DCDC2B: variants seen among roughly 807,000 people sequenced by gnomAD.
DCDC2B encodes doublecortin domain containing 2B, also known as doublecortin domain-containing protein 2B.
Under a neutral mutation model 38.9 loss-of-function variants are expected in DCDC2B, and 41 were observed. The observed-to-expected ratio is 1.05, with a 90% confidence interval of 0.82 to 1.37. The LOEUF is 1.37. Among genes scored for constraint, DCDC2B ranks in the 40% most tolerant of loss-of-function variants. DCDC2B has a pLI of 0.00. For synonymous variants in DCDC2B, 181 were observed against 171.9 expected, an observed-to-expected ratio of 1.05 and a Z score of -0.41; for missense variants, 453 against 427.2, an observed-to-expected ratio of 1.06 and a Z score of -0.53.
intron 7 of DCDC2B, 140 bp from the exon 8 acceptor site, chr1:32,215,300 A>G: frequency 1.4e-6 from 1 of 721,756 alleles, no homozygotes; most frequent in Non-Finnish European, 2.3e-6. Flanking sequence ...CCCACCTCTC[A>G]CTTCCTTGCC....
Position 32,214,705 on chromosome 1 carries a change from A to C in DCDC2B, c.715-92A>C. 15 of 1,543,488 alleles carry C rather than the reference A, an allele frequency of 9.7e-6. No individual in the cohort carries two copies. The South Asian group carries it at 1.8e-4, about 19-fold the overall frequency. On this transcript the variant is annotated intron_variant, in intron 6 of 8. Coordinates refer to ENST00000409358, the MANE Select transcript of DCDC2B (RefSeq NM_001099434.2). ...GGTGTCTCCTCTGCCATGTTCCTGC[A>C]GGCGTCAGGGGCTCTCTGAAGCCTG...
At chr1:32,213,888 G>A (rs1322867343) in intron 6 of DCDC2B, among the ~76,000 whole-genome samples, 3 of 151,778 alleles carry the variant, frequency 2.0e-5, no homozygotes, top group Non-Finnish European at 4.4e-5. Context: ...ACTCCCTCAG[G>A]TGATCTGCCC....
In DCDC2B at chr1:32,214,884, C is replaced by G; in HGVS notation, c.802C>G (p.Gln268Glu). 2 of 1,613,968 alleles carry G rather than the reference C, an allele frequency of 1.2e-6. No individual in the cohort carries two copies. Among genetic ancestry groups the G allele is most frequent in the Non-Finnish European group, 1.7e-6 (2 of 1,179,896 alleles). ...ATCTGCTTTCTATGCCAGACCCCAG[C>G]AGACCATTCAGCCAAGAAGCAAGCT... Reference protein sequence around the residue: ...KPSAFYARPQQTIQPRSKLPT... With the variant: ...KPSAFYARPQETIQPRSKLPT... Residue 268 changes from glutamine to glutamate, a missense_variant, in exon 7 of 9, where the codon CAG becomes GAG. By Grantham distance (29) the Gln-to-Glu change is conservative. Coordinates refer to ENST00000409358, the MANE Select transcript of DCDC2B (RefSeq NM_001099434.2).
chr1:32,209,966 G>A (rs1004403098), intron 1 of DCDC2B, among the ~76,000 whole-genome samples: 3 of 152,200 alleles, frequency 2.0e-5, no homozygotes, highest in Admixed American at 6.5e-5. Context: ...GCCAAGGCGG[G>A]TGGATCACCT....
At chr1:32,212,683 CA>C in intron 5 of DCDC2B, 47 bp downstream of exon 5, 1 of 1,612,874 alleles carries the variant, frequency 6.2e-7, no homozygotes, top group South Asian at 1.1e-5. Context: ...CAGAGGAAGC[CA>C]CCCTCTGGGT....
In DCDC2B at chr1:32,212,094, A is replaced by G. The variant is rs745655820; in HGVS notation, c.420A>G (p.Val140=). 1.9e-6 allele frequency: 3 copies of G among 1,613,820 alleles called. No homozygotes were observed. Among genetic ancestry groups the G allele is most frequent in the Admixed American group, 3.3e-5 (2 of 60,014 alleles). The change falls in exon 4 of 9, where the codon GTA becomes GTG. Residue 140 remains valine, a synonymous_variant. Transcript: ENST00000409358. ...YIHVFRNGDL[V]SPPFSLKLSQ... ...GTGTGTTCAGGAATGGGGACCTGGT[A>G]AGTCCCCCATTTAGTCTGAAGCTGT...
At position 32,212,532 on chromosome 1, in the gene DCDC2B, G is replaced by A; in HGVS notation, c.570G>A (p.Glu190=). ...GGCTCCCACTGTCAGCAGGGAAGGAGCTGGTAACTGGCCATTACTATGTGG... is the reference window on the plus strand; with the variant it reads ...GGCTCCCACTGTCAGCAGGGAAGGAACTGGTAACTGGCCATTACTATGTGG... ...LEGLPLSAGK[E]LVTGHYYVAV... Residue 190 remains glutamate, a synonymous_variant, in exon 5 of 9, where the codon GAG becomes GAA. Coordinates refer to ENST00000409358, the MANE Select transcript of DCDC2B (RefSeq NM_001099434.2). 1 of 1,614,066 alleles carries A rather than the reference G, an allele frequency of 6.2e-7. No homozygotes were observed. Among genetic ancestry groups the A allele is most frequent in the Non-Finnish European group, 8.5e-7 (1 of 1,179,900 alleles).
intron 2 of DCDC2B, among the ~76,000 whole-genome samples, 155 bp downstream of exon 2, chr1:32,211,478 T>C (rs1643581219): frequency 6.6e-6 from 1 of 152,180 alleles, no homozygotes; most frequent in Non-Finnish European, 1.5e-5. Flanking sequence ...GGGCGTGGGA[T>C]TTCAAGACAC....
rs1569787148 is a variant in DCDC2B, at chr1:32,216,129, C to T, written c.*232C>T. On this transcript the variant is annotated 3_prime_UTR_variant, in exon 9 of 9. Transcript: ENST00000409358. ...CTATTTCCTTATGGGATTCTCTGGC[C>T]AGAGAAAGGAGTAGCTGACTAAGCC... is the stretch of plus-strand genomic sequence containing the variant. 11 of 678,466 alleles carry T rather than the reference C, an allele frequency of 1.6e-5. No homozygotes were observed. The East Asian group carries it at 3.0e-4, about 19-fold the overall frequency. The allele number at this position is 678,466 out of a possible 1,614,324, so 42.0% of individuals were successfully genotyped here.
chr1:32,214,597 G>A, intron 6 of DCDC2B, 200 bp from the exon 7 acceptor site: 2 of 651,474 alleles, frequency 3.1e-6, no homozygotes, highest in Non-Finnish European at 5.1e-6. Context: ...AGGAGTGCCA[G>A]GCATCTACTG....
chr1:32,212,026 G>A (rs1335574411), intron 3 of DCDC2B, 44 bp from the exon 4 acceptor site: 1 of 1,594,426 alleles, frequency 6.3e-7, no homozygotes, highest in African/African-American at 1.3e-5. Flanking sequence ...CTCACATGTA[G>A]GGACTCCTGG....
chr1:32,216,129 C>A lies in DCDC2B; in HGVS notation c.*232C>A. 2 of 678,466 alleles carry A rather than the reference C, an allele frequency of 2.9e-6. No individual in the cohort carries two copies. The highest frequency in any genetic ancestry group is 2.4e-6 in the Non-Finnish European group (1 of 409,226). The allele number at this position is 678,466 out of a possible 1,614,324, so 42.0% of individuals were successfully genotyped here. On this transcript the variant is annotated 3_prime_UTR_variant, in exon 9 of 9. Coordinates refer to ENST00000409358, the MANE Select transcript of DCDC2B (RefSeq NM_001099434.2). Reference sequence around the variant, plus strand: ...CTATTTCCTTATGGGATTCTCTGGCCAGAGAAAGGAGTAGCTGACTAAGCC... The same window carrying A: ...CTATTTCCTTATGGGATTCTCTGGCAAGAGAAAGGAGTAGCTGACTAAGCC...
chr1:32,212,913 C>A, intron 6 of DCDC2B, 120 bp downstream of exon 6: 1 of 1,236,204 alleles, frequency 8.1e-7, no homozygotes, highest in Non-Finnish European at 1.1e-6. Flanking sequence ...TTCTTTGAGA[C>A]AGAGTCTTGC....
chr1:32,212,633 G>A lies in DCDC2B; in HGVS notation c.671G>A (p.Cys224Tyr). ...CCCAGCCCCTCCCTGCCCAGGGGCT[G>A]CTGGTATGTATGTGGGAGGTGGAGC... is the stretch of plus-strand genomic sequence containing the variant. Reference protein sequence around the residue: ...LVPSPSLPRGCWQPPGSKSRP... With the variant: ...LVPSPSLPRGYWQPPGSKSRP... Residue 224 changes from cysteine (C) to tyrosine (Y), a missense_variant, in exon 5 of 9, where the codon TGC becomes TAC. Transcript: ENST00000409358. The A allele has an allele frequency of 1.2e-6, 2 of 1,613,988 alleles. No homozygotes were observed. The highest frequency in any genetic ancestry group is 1.7e-6 in the Non-Finnish European group (2 of 1,179,886).
At position 32,211,278 on chromosome 1, in the gene DCDC2B, A is replaced by AC. The variant is rs1267715846; in HGVS notation, c.277dup (p.His93ProfsTer2). On this transcript the variant is annotated frameshift_variant, in exon 2 of 9. Coordinates refer to ENST00000409358, the MANE Select transcript of DCDC2B (RefSeq NM_001099434.2). LOFTEE classifies it high-confidence loss of function. ...GATCTATCTGTCCTTTCAGCTATTT[A>AC]CCCCATAGAGGGAAGGACCCAGGTG... 1 of 1,613,716 alleles carries AC rather than the reference A, an allele frequency of 6.2e-7. No individual in the cohort carries two copies. Among genetic ancestry groups the AC allele is most frequent in the Non-Finnish European group, 8.5e-7 (1 of 1,179,802 alleles).
In DCDC2B at chr1:32,215,994, C is replaced by T; in HGVS notation, c.*97C>T. 1 of 1,061,376 alleles carries T rather than the reference C, an allele frequency of 9.4e-7. No homozygotes were observed. Among genetic ancestry groups the T allele is most frequent in the South Asian group, 1.4e-5 (1 of 72,912 alleles). 65.7% of individuals were successfully genotyped at this position (1,061,376 alleles called of 1,614,324 possible). ...TGTTCCTCAGGAGCCAGCACCTCCG[C>T]TGGGCTCACAGGGTACACTGCGGCC... On this transcript the variant is annotated 3_prime_UTR_variant, in exon 9 of 9. Transcript: ENST00000409358.
intron 1 of DCDC2B, among the ~76,000 whole-genome samples, chr1:32,210,253 G>A (rs1643525258): frequency 6.6e-6 from 1 of 151,364 alleles, no homozygotes; most frequent in South Asian, 2.1e-4. Context: ...CTTGAACCTG[G>A]AGGCAGAGGT....
intron 3 of DCDC2B, 26 bp downstream of exon 3, chr1:32,211,863 GGT>G: frequency 6.3e-7 from 1 of 1,592,272 alleles, no homozygotes; most frequent in South Asian, 1.1e-5. Flanking sequence ...AGGGAGCAGG[GGT>G]GTTGATGTTT....
In DCDC2B at chr1:32,215,936, C is replaced by G; in HGVS notation, c.*39C>G. On this transcript the variant is annotated 3_prime_UTR_variant, in exon 9 of 9. Coordinates refer to ENST00000409358, the MANE Select transcript of DCDC2B (RefSeq NM_001099434.2). ...CAGAGGGCAACTGGGGACCACTACT[C>G]TGGCCACCTTTTGTCCTTAGCCTCC... 1 of 1,492,278 alleles carries G rather than the reference C, an allele frequency of 6.7e-7. No individual in the cohort carries two copies. The highest frequency in any genetic ancestry group is 9.1e-7 in the Non-Finnish European group (1 of 1,094,754). 92.4% of individuals were successfully genotyped at this position (1,492,278 alleles called of 1,614,324 possible).
Sources: gnomAD v4.1 joint callset for allele counts (sites outside exome capture counted in the v4.1 genomes callset) on GRCh38, gnomAD v4.1.1 for gene constraint, MANE v1.5 for transcripts, NCBI Gene and HGNC (gene_info 2026-07-23, HGNC 2026-07-21) for gene names.